The following NAB1 variants were observed in gnomAD, a reference collection of about 807,000 sequenced individuals.
NAB1 encodes the protein NGFI-A binding protein 1, also known as NGFI-A-binding protein 1.
NAB1 carries 25 observed loss-of-function variants against 49.9 expected under a neutral mutation model. The ratio of observed to expected loss-of-function variants is 0.50; its 90% confidence interval spans 0.37 to 0.70. NAB1 has a LOEUF of 0.70. Ranked by LOEUF, NAB1 falls within the 30% of genes least tolerant of loss-of-function variation. The pLI is 0.00. For synonymous variants in NAB1, 198 were observed against 215.6 expected (o/e 0.92, Z 0.71); for missense variants, 489 against 575.9 (o/e 0.85, Z 1.54).
rs1372314647 is a variant in NAB1, at chr2:190,666,989, T to C, written c.820-3337T>C. Among the ~76,000 whole-genome samples, 2 of 152,208 alleles carry C rather than the reference T, an allele frequency of 1.3e-5. No individual in the cohort carries two copies. The highest frequency in any genetic ancestry group is 2.9e-5 in the Non-Finnish European group (2 of 68,036). On this transcript the variant is annotated intron_variant, in intron 4 of 9. Coordinates refer to ENST00000337386, the MANE Select transcript of NAB1 (RefSeq NM_005966.4). This position sits in a 1 kb window ranked among gnomAD's most constrained non-coding sequence, Gnocchi z 5.6. ...TATTGATGTGTTCATTATTAGCAGC[T>C]AGGGAGCATGAAATCTAGGTAACTC...
Position 190,660,008 on chromosome 2 carries a change from CGTT to C in NAB1, c.819+17_819+19del, listed in dbSNP as rs1694138860. ...CACACTTCATGAGGTACAAAGCCCGCGTTGTTCCTTCTGTGTGTGTATGTGGCA... is the reference window on the plus strand; with the variant it reads ...CACACTTCATGAGGTACAAAGCCCGCGTTCCTTCTGTGTGTGTATGTGGCA... On this transcript the variant is annotated intron_variant, in intron 4 of 9. Transcript: ENST00000337386. The C allele has an allele frequency of 6.3e-7, 1 of 1,597,874 alleles. No individual in the cohort carries two copies. The highest frequency in any genetic ancestry group is 1.1e-5 in the South Asian group (1 of 89,774).
rs990459781 is a variant in NAB1, at chr2:190,654,169, T to G, written c.-196-1808T>G. On this transcript the variant is annotated intron_variant, in intron 2 of 9. Coordinates refer to ENST00000337386, the MANE Select transcript of NAB1 (RefSeq NM_005966.4). This position sits in a 1 kb window ranked among gnomAD's most constrained non-coding sequence, Gnocchi z 5.6. ...GAGTAATGAAACCTAATTCCTACCC[T>G]TGGGGTGCTTATAACCTAACAGTGA... Among the ~76,000 whole-genome samples, 1 of 152,190 alleles carries G rather than the reference T, an allele frequency of 6.6e-6. No individual in the cohort carries two copies. The highest frequency in any genetic ancestry group is 2.4e-5 in the African/African-American group (1 of 41,454).
At chr2:190,683,437 C>T (rs939404945) in intron 6 of NAB1, among the ~76,000 whole-genome samples, 16 of 151,466 alleles carry the variant, frequency 1.1e-4, no homozygotes, top group African/African-American at 3.9e-4. Context: ...TGAGCCACTG[C>T]ACCCAGCCTA....
chr2:190,674,708 G>A lies in NAB1; in HGVS notation c.1005+1556G>A, dbSNP rs148274287. On this transcript the variant is annotated intron_variant, in intron 6 of 9. Coordinates refer to ENST00000337386, the MANE Select transcript of NAB1 (RefSeq NM_005966.4). This position sits in a 1 kb window ranked among gnomAD's most constrained non-coding sequence, Gnocchi z 5.7. The stretch of plus-strand genomic sequence containing the variant: ...ATAAACACTTTATCTGAAAGCAGTG[G>A]TTCTCAAGGAAGAGAAGTATTTTGT... 2.8e-3 allele frequency among the ~76,000 whole-genome samples: 421 copies of A among 152,208 alleles called. 1 individual carries two copies. Among genetic ancestry groups the A allele is most frequent in the African/African-American group, 9.6e-3 (400 of 41,518 alleles).
intron 9 of NAB1, 120 bp downstream of exon 9, chr2:190,687,437 TC>T (rs536895526): frequency 4.2e-5 from 26 of 617,002 alleles, no homozygotes; most frequent in South Asian, 2.9e-4. Flanking sequence ...CTGACAGTGT[TC>T]CTACAGGTTG....
At chr2:190,690,029 C>CATATATGTATACTATACGTATAGTATACA (rs1446936027) in intron 9 of NAB1, among the ~76,000 whole-genome samples, 34 of 14,050 alleles carry the variant, frequency 2.4e-3, no homozygotes, top group Non-Finnish European at 2.8e-3. Flanking sequence ...TATATGTATA[C>CATATATGTATACTATACGTATAGTATACA]TATATGTATA....
intron 6 of NAB1, among the ~76,000 whole-genome samples, chr2:190,681,118 C>G (rs116350366): frequency 6.6e-6 from 1 of 152,046 alleles, no homozygotes; most frequent in African/African-American, 2.4e-5. Context: ...ATAGAAATGC[C>G]TGTGTTTTTG....
chr2:190,674,886 A>G lies in NAB1; in HGVS notation c.1005+1734A>G, dbSNP rs1694996491. On this transcript the variant is annotated intron_variant, in intron 6 of 9. Coordinates refer to ENST00000337386, the MANE Select transcript of NAB1 (RefSeq NM_005966.4). The surrounding 1 kb of genome is among the most constrained non-coding windows in gnomAD (Gnocchi z 5.7). ...GGCAACATGGGGAGACCCTGTCTCT[A>G]CCCCCAAAAAAGTACTTATATTTGT... is the stretch of plus-strand genomic sequence containing the variant. Among the ~76,000 whole-genome samples the G allele has an allele frequency of 6.6e-6, 1 of 152,126 alleles. No homozygotes were observed. Among genetic ancestry groups the G allele is most frequent in the Admixed American group, 6.5e-5 (1 of 15,278 alleles).
At position 190,677,485 on chromosome 2, in the gene NAB1, A is replaced by T. The variant is rs927010626; in HGVS notation, c.1005+4333A>T. 1.3e-5 allele frequency: 2 copies of T among 152,244 alleles called. No individual in the cohort carries two copies. The highest frequency in any genetic ancestry group is 1.5e-5 in the Non-Finnish European group (1 of 68,042). The allele number at this position is 152,244 out of a possible 1,614,324, so 9.4% of individuals were successfully genotyped here. ...CTTAGACGGAATGAATAACATGTCC[A>T]CTGGAACACAGCCCTCTGTGAGTCC... On this transcript the variant is annotated intron_variant, in intron 6 of 9. Coordinates refer to ENST00000337386, the MANE Select transcript of NAB1 (RefSeq NM_005966.4). This position sits in a 1 kb window ranked among gnomAD's most constrained non-coding sequence, Gnocchi z 5.6.
In NAB1 at chr2:190,677,497, C is replaced by T. The variant is rs938330596; in HGVS notation, c.1005+4345C>T. 3 of 152,174 alleles carry T rather than the reference C, an allele frequency of 2.0e-5. No individual in the cohort carries two copies. The highest frequency in any genetic ancestry group is 4.4e-5 in the Non-Finnish European group (3 of 68,028). 9.4% of individuals were successfully genotyped at this position (152,174 alleles called of 1,614,324 possible). A position where few individuals can be genotyped will look rare whatever the true frequency, so the allele number is the denominator to read the frequency against. On this transcript the variant is annotated intron_variant, in intron 6 of 9. Transcript: ENST00000337386. The surrounding 1 kb of genome is among the most constrained non-coding windows in gnomAD (Gnocchi z 5.6). ...GAATAACATGTCCACTGGAACACAG[C>T]CCTCTGTGAGTCCACTTTCAGCTGA...
Position 190,667,011 on chromosome 2 carries a change from ACT to A in NAB1, c.820-3312_820-3311del, listed in dbSNP as rs780070906. ...AGCTAGGGAGCATGAAATCTAGGTA[ACT>A]CTGACAGAACACGTGTTTTTAAGGG... On this transcript the variant is annotated intron_variant, in intron 4 of 9. Transcript: ENST00000337386. This position sits in a 1 kb window ranked among gnomAD's most constrained non-coding sequence, Gnocchi z 4.4. Among the ~76,000 whole-genome samples, 10 of 152,144 alleles carry A rather than the reference ACT, an allele frequency of 6.6e-5. No individual in the cohort carries two copies. Among genetic ancestry groups the A allele is most frequent in the Admixed American group, 3.9e-4 (6 of 15,272 alleles).
chr2:190,670,216 AAT>A lies in NAB1; in HGVS notation c.820-109_820-108del. Reference sequence around the variant, plus strand: ...AAATACCATTCTGATTTTTATGAATAATGATTCCATTATATAATGGTGTAACA... The same window carrying A: ...AAATACCATTCTGATTTTTATGAATAGATTCCATTATATAATGGTGTAACA... On this transcript the variant is annotated intron_variant, in intron 4 of 9. Coordinates refer to ENST00000337386, the MANE Select transcript of NAB1 (RefSeq NM_005966.4). This position sits in a 1 kb window ranked among gnomAD's most constrained non-coding sequence, Gnocchi z 5.3. 1.9e-6 allele frequency: 2 copies of A among 1,042,046 alleles called. No homozygotes were observed. Among genetic ancestry groups the A allele is most frequent in the South Asian group, 2.0e-5 (1 of 51,096 alleles). The allele number at this position is 1,042,046 out of a possible 1,614,324, so 64.5% of individuals were successfully genotyped here. A position where few individuals can be genotyped will look rare whatever the true frequency, so the allele number is the denominator to read the frequency against.
At position 190,686,738 on chromosome 2, in the gene NAB1, T is replaced by C. The variant is rs1363241150; in HGVS notation, c.1259-463T>C. Reference sequence around the variant, plus strand: ...GTACATGACAACATGATTGGGTGTATAATTTTTTCCCATATTTGTGCTAAA... The same window carrying C: ...GTACATGACAACATGATTGGGTGTACAATTTTTTCCCATATTTGTGCTAAA... On this transcript the variant is annotated intron_variant, in intron 8 of 9. Transcript: ENST00000337386. The surrounding 1 kb of genome is among the most constrained non-coding windows in gnomAD (Gnocchi z 5.5). Among the ~76,000 whole-genome samples, 6 of 152,148 alleles carry C rather than the reference T, an allele frequency of 3.9e-5. No individual in the cohort carries two copies. The highest frequency in any genetic ancestry group is 3.3e-4 in the Admixed American group (5 of 15,264).
intron 6 of NAB1, among the ~76,000 whole-genome samples, chr2:190,683,348 A>G (rs1409034153): frequency 9.1e-6 from 1 of 110,166 alleles, no homozygotes; most frequent in Non-Finnish European, 1.7e-5. Flanking sequence ...GCTTTACCAT[A>G]TTGGACAGGC....
rs1695014780 is a variant in NAB1 at position 190,675,232 on chromosome 2, C to T, written c.1005+2080C>T. 6.6e-6 allele frequency among the ~76,000 whole-genome samples: 1 copy of T among 152,216 alleles called. No individual in the cohort carries two copies. The highest frequency in any genetic ancestry group is 1.5e-5 in the Non-Finnish European group (1 of 68,032). ...TAGAAATATGTCTCTATCTATTTCT[C>T]ACCATTGGCCCTAAGTGTGATCATG... On this transcript the variant is annotated intron_variant, in intron 6 of 9. Coordinates refer to ENST00000337386, the MANE Select transcript of NAB1 (RefSeq NM_005966.4). The surrounding 1 kb of genome is among the most constrained non-coding windows in gnomAD (Gnocchi z 5.2).
In NAB1 at chr2:190,649,130, CGCG is replaced by C. The variant is rs1319113111; in HGVS notation, c.-561_-559del. ...AGCCTGGAGGAGCCGCCGCCGCCGC[CGCG>C]GCCAAGCGAGCGCCGTCGGGGCGGG... On this transcript the variant is annotated 5_prime_UTR_variant, in exon 1 of 10. Coordinates refer to ENST00000337386, the MANE Select transcript of NAB1 (RefSeq NM_005966.4). This position sits in a 1 kb window ranked among gnomAD's most constrained non-coding sequence, Gnocchi z 6.1. 1 of 120,464 alleles carries C rather than the reference CGCG, an allele frequency of 8.3e-6. No individual in the cohort carries two copies. The highest frequency in any genetic ancestry group is 1.7e-5 in the Non-Finnish European group (1 of 60,542). The allele number at this position is 120,464 out of a possible 1,614,324, so 7.5% of individuals were successfully genotyped here.
In NAB1 at chr2:190,659,781, G is replaced by T; in HGVS notation, c.605G>T (p.Cys202Phe). Residue 202 changes from cysteine (C) to phenylalanine (F), a missense_variant, in exon 4 of 10, where the codon TGT becomes TTT. Cys to Phe is a radical substitution (Grantham distance 205, BLOSUM62 -2). Around this residue, in one of 4 missense-constraint regions of NAB1, gnomAD observed 204 missense variants for 220.9 expected, o/e 0.92. Transcript: ENST00000337386. The surrounding 1 kb of genome is among the most constrained non-coding windows in gnomAD (Gnocchi z 6.2). ...GCTGCTGCGCTCTCTGTGGCTGAGTGTGTGGAGCGGATGGCCCCCACACTG... is the reference window on the plus strand; with the variant it reads ...GCTGCTGCGCTCTCTGTGGCTGAGTTTGTGGAGCGGATGGCCCCCACACTG... ...DAAAALSVAECVERMAPTLPK... is the reference protein window; with the variant it reads ...DAAAALSVAEFVERMAPTLPK... The T allele has an allele frequency of 6.2e-7, 1 of 1,614,158 alleles. No individual in the cohort carries two copies. Among genetic ancestry groups the T allele is most frequent in the Non-Finnish European group, 8.5e-7 (1 of 1,180,022 alleles).
rs1695510222 is a variant in NAB1 at position 190,684,503 on chromosome 2, A to G, written c.1095+676A>G. On this transcript the variant is annotated intron_variant, in intron 7 of 9. Coordinates refer to ENST00000337386, the MANE Select transcript of NAB1 (RefSeq NM_005966.4). This position sits in a 1 kb window ranked among gnomAD's most constrained non-coding sequence, Gnocchi z 4.6. ...CAGATATGCTTATTTAAATTTTGTC[A>G]ATTTAGTAACAAGTTCAAATGAAAT... Among the ~76,000 whole-genome samples the G allele has an allele frequency of 1.3e-5, 2 of 152,130 alleles. No homozygotes were observed. Among genetic ancestry groups the G allele is most frequent in the South Asian group, 4.1e-4 (2 of 4,830 alleles).
At chr2:190,660,019 C>G (rs766460642) in intron 4 of NAB1, 24 bp downstream of exon 4, 1 of 1,586,346 alleles carries the variant, frequency 6.3e-7, no homozygotes, top group South Asian at 1.1e-5. Flanking sequence ...GTTGTTCCTT[C>G]TGTGTGTGTA....
Sources: allele counts gnomAD v4.1 joint callset (sites outside exome capture counted in the v4.1 genomes callset), GRCh38; gene constraint gnomAD v4.1.1; regional missense constraint gnomAD v4.1.1; non-coding constraint Gnocchi (gnomAD v3.1); transcripts MANE v1.5; gene names NCBI Gene and HGNC (gene_info 2026-07-23, HGNC 2026-07-21).